Variants in SLC39A11 observed in about 807,000 individuals in gnomAD.
SLC39A11 encodes the protein zinc transporter ZIP11.
SLC39A11 carries 33 observed loss-of-function variants against 36.1 expected under a neutral mutation model. The ratio of observed to expected loss-of-function variants is 0.91; its 90% CI spans 0.69 to 1.22. SLC39A11 has a LOEUF of 1.22. Ranked by LOEUF, SLC39A11 falls within the 50% of genes most tolerant of loss-of-function variation. The pLI, the probability that SLC39A11 is intolerant of heterozygous loss-of-function variation, is 0.00. For synonymous variants in SLC39A11, 166 were observed against 170.3 expected (o/e 0.97, Z 0.20); for missense variants, 432 against 430.3 (o/e 1.00, Z -0.03).
intron 5 of SLC39A11, among the ~76,000 whole-genome samples, chr17:72,872,665 C>G (rs1232938373): frequency 6.6e-6 from 1 of 152,136 alleles, no homozygotes; most frequent in Non-Finnish European, 1.5e-5. Flanking sequence ...AACTTTAAAA[C>G]AAAGATGATA....
chr17:72,693,442 G>A (rs535517990), intron 7 of SLC39A11, among the ~76,000 whole-genome samples: 18 of 152,316 alleles, frequency 1.2e-4, no homozygotes, highest in South Asian at 8.3e-4. Context: ...CCTTGATGCC[G>A]GGTAGGGCTG....
intron 7 of SLC39A11, among the ~76,000 whole-genome samples, chr17:72,669,703 G>T (rs2070909173): frequency 6.6e-6 from 1 of 151,996 alleles, no homozygotes; most frequent in Admixed American, 6.6e-5. Context: ...ATACCAATAT[G>T]CCAATATCAG....
chr17:72,754,253 C>G (rs4793483), intron 6 of SLC39A11, among the ~76,000 whole-genome samples: 3 of 151,676 alleles, frequency 2.0e-5, no homozygotes, highest in East Asian at 3.9e-4. Flanking sequence ...TATGAGGATG[C>G]AAAGGCATAC....
At chr17:73,084,549 C>T (rs1221601385) in intron 3 of SLC39A11, among the ~76,000 whole-genome samples, 5 of 151,288 alleles carry the variant, frequency 3.3e-5, no homozygotes, top group African/African-American at 1.2e-4. Context: ...TAGGCCTGTG[C>T]TAGGCCCTTA....
At chr17:72,731,284 T>G (rs1230396505) in intron 7 of SLC39A11, among the ~76,000 whole-genome samples, 1 of 152,188 alleles carries the variant, frequency 6.6e-6, no homozygotes, top group African/African-American at 2.4e-5. Context: ...GTCGTTTCTG[T>G]GTAGAGAATC....
intron 3 of SLC39A11, among the ~76,000 whole-genome samples, chr17:73,049,318 A>G (rs1451300264): frequency 1.3e-5 from 2 of 152,236 alleles, no homozygotes; most frequent in African/African-American, 4.8e-5. Flanking sequence ...GAAAGGATGC[A>G]GGAAAGGCTG....
At chr17:72,890,152 C>G (rs2081649068) in intron 5 of SLC39A11, among the ~76,000 whole-genome samples, 1 of 152,018 alleles carries the variant, frequency 6.6e-6, no homozygotes, top group Non-Finnish European at 1.5e-5. Context: ...GTAATCCCAG[C>G]TACTTGGGAG....
At chr17:72,948,059 G>A (rs1419804155) in intron 4 of SLC39A11, among the ~76,000 whole-genome samples, 184 bp from the exon 5 acceptor site, 1 of 152,102 alleles carries the variant, frequency 6.6e-6, no homozygotes, top group African/African-American at 2.4e-5. Context: ...AAACTTTCCA[G>A]GTATAGGACT....
chr17:72,745,933 G>C lies in SLC39A11; in HGVS notation c.602-9214C>G, dbSNP rs140274246. Among the ~76,000 whole-genome samples, 6 of 152,318 alleles carry C rather than the reference G, an allele frequency of 3.9e-5. No homozygotes were observed. The East Asian group carries it at 1.2e-3, about 29-fold the overall frequency. Reference sequence around the variant, plus strand: ...AACCCCAAAGGTGGAGAAATGACGAGTTATGGGATGGCTTATTCATTTCCA... The same window carrying C: ...AACCCCAAAGGTGGAGAAATGACGACTTATGGGATGGCTTATTCATTTCCA... On this transcript the variant is annotated intron_variant, in intron 6 of 9. Transcript: ENST00000255559.
intron 5 of SLC39A11, among the ~76,000 whole-genome samples, chr17:72,932,821 C>T (rs560614328): frequency 1.3e-5 from 2 of 152,332 alleles, no homozygotes; most frequent in South Asian, 2.1e-4. Context: ...ATCTAGCAGC[C>T]GCTAAGGAGT....
At chr17:73,045,728 T>C (rs1233604253) in intron 3 of SLC39A11, among the ~76,000 whole-genome samples, 1 of 152,134 alleles carries the variant, frequency 6.6e-6, no homozygotes, top group East Asian at 1.9e-4. Flanking sequence ...TGAGAAAGAC[T>C]CCCAGAAACC....
At chr17:73,060,587 C>T (rs144635714) in intron 3 of SLC39A11, among the ~76,000 whole-genome samples, 26 of 152,278 alleles carry the variant, frequency 1.7e-4, no homozygotes, top group African/African-American at 5.3e-4. Flanking sequence ...CAAGAATTAA[C>T]TTTGGGATTC....
intron 4 of SLC39A11, among the ~76,000 whole-genome samples, chr17:73,029,229 C>T (rs1048628341): frequency 6.6e-6 from 1 of 152,070 alleles, no homozygotes; most frequent in Non-Finnish European, 1.5e-5. Flanking sequence ...TCTGATACCG[C>T]CCCACCACCC....
intron 6 of SLC39A11, among the ~76,000 whole-genome samples, chr17:72,848,904 C>T (rs190976172): frequency 5.9e-5 from 9 of 152,178 alleles, no homozygotes; most frequent in Admixed American, 2.0e-4. Flanking sequence ...TGGTTCCCTG[C>T]GCAGTAGAAA....
At chr17:73,081,773 A>ATGTATATATGTATG (rs2060543585) in intron 3 of SLC39A11, among the ~76,000 whole-genome samples, 1 of 150,462 alleles carries the variant, frequency 6.6e-6, no homozygotes. Context: ...ATATACATAT[A>ATGTATATATGTATG]TATATCATGG....
chr17:72,744,931 T>A (rs1436117452), intron 6 of SLC39A11, among the ~76,000 whole-genome samples: 2 of 152,190 alleles, frequency 1.3e-5, no homozygotes, highest in Non-Finnish European at 2.9e-5. Context: ...AACCTCTACC[T>A]CCCTGGTTCA....
At chr17:72,726,986 A>G (rs2567477) in intron 7 of SLC39A11, among the ~76,000 whole-genome samples, 3,172 of 152,298 alleles carry the variant, frequency 0.021, 103 homozygotes, top group African/African-American at 0.069. Context: ...ATGGCACACT[A>G]AAGTTCGCAG....
chr17:73,056,619 T>C (rs1342627893), intron 3 of SLC39A11, among the ~76,000 whole-genome samples: 1 of 152,226 alleles, frequency 6.6e-6, no homozygotes, highest in African/African-American at 2.4e-5. Context: ...AAGACGGGAC[T>C]GAGTCCTGTA....
At chr17:73,001,474 T>A (rs2089820214) in intron 4 of SLC39A11, among the ~76,000 whole-genome samples, 1 of 148,358 alleles carries the variant, frequency 6.7e-6, no homozygotes, top group South Asian at 2.2e-4. Context: ...AATGACGAGT[T>A]AATGGGTGCA....
Sources: allele counts gnomAD v4.1 joint callset (sites outside exome capture counted in the v4.1 genomes callset), GRCh38; gene constraint gnomAD v4.1.1; transcripts MANE v1.5; gene names NCBI Gene and HGNC (gene_info 2026-07-23, HGNC 2026-07-21).